KCNMB2: variants seen among roughly 807,000 people sequenced by gnomAD.
The protein encoded by KCNMB2 is potassium calcium-activated channel subfamily M regulatory beta subunit 2.
In KCNMB2, 9 loss-of-function variants were observed where a neutral mutation model predicts 24.5. The observed-to-expected ratio is 0.37, with a 90% CI of 0.22 to 0.64. KCNMB2 has a LOEUF of 0.64. KCNMB2 is among the 30% of genes least tolerant of loss of function. The pLI, the probability that KCNMB2 is intolerant of heterozygous loss-of-function variation, is 0.63. For missense variants in KCNMB2, 226 were observed against 284.3 expected (o/e 0.79, Z 1.47); for synonymous variants, 109 against 104.4 (o/e 1.04, Z -0.27).
chr3:178,801,120 C>T (rs767339378), intron 1 of KCNMB2, among the ~76,000 whole-genome samples: 11 of 152,026 alleles, frequency 7.2e-5, no homozygotes, highest in Non-Finnish European at 1.5e-5. Context: ...TTTAATAGCA[C>T]AACAGGGTGA....
rs144426649 is a variant in KCNMB2 at position 178,805,839 on chromosome 3, T to C, written c.-67-1504T>C. Among the ~76,000 whole-genome samples the C allele has an allele frequency of 3.3e-3, 495 of 152,204 alleles. 3 individuals carry two copies. Among genetic ancestry groups the C allele is most frequent in the African/African-American group, 0.012 (479 of 41,532 alleles). On this transcript the variant is annotated intron_variant, in intron 1 of 4. Transcript: ENST00000452583. ...TTTATGTAGAGACGGGATCTTGCTATGTTGCCAGGTCTGGTCTCAAATTCC... is the reference window on the plus strand; with the variant it reads ...TTTATGTAGAGACGGGATCTTGCTACGTTGCCAGGTCTGGTCTCAAATTCC...
intron 1 of KCNMB2, among the ~76,000 whole-genome samples, chr3:178,768,550 C>T (rs563054743): frequency 3.3e-5 from 5 of 151,978 alleles, no homozygotes; most frequent in Non-Finnish European, 7.4e-5. Flanking sequence ...ATAATACACA[C>T]TATAGAAAGT....
chr3:178,568,323 T>C (rs1010444043), intron 1 of KCNMB2, among the ~76,000 whole-genome samples: 1 of 152,196 alleles, frequency 6.6e-6, no homozygotes, highest in Admixed American at 6.5e-5. Flanking sequence ...TTGTTGAAGC[T>C]GGGCCAGCCA....
intron 1 of KCNMB2, among the ~76,000 whole-genome samples, chr3:178,682,321 A>G (rs1194577169): frequency 2.0e-5 from 3 of 152,176 alleles, no homozygotes; most frequent in Non-Finnish European, 2.9e-5. Flanking sequence ...TCACTACACA[A>G]TAATTGCTGT....
chr3:178,833,328 T>A (rs1715111151), intron 4 of KCNMB2, among the ~76,000 whole-genome samples: 1 of 152,118 alleles, frequency 6.6e-6, no homozygotes, highest in Non-Finnish European at 1.5e-5. Context: ...CTCTCACCCC[T>A]CTTCCACAAT....
chr3:178,653,032 T>C (rs1720189495), intron 1 of KCNMB2, among the ~76,000 whole-genome samples: 1 of 152,188 alleles, frequency 6.6e-6, no homozygotes, highest in African/African-American at 2.4e-5. Context: ...TAATTAAATT[T>C]ATATCCATAA....
intron 1 of KCNMB2, chr3:178,757,029 A>C (rs1465748347): frequency 6.6e-6 from 1 of 151,658 alleles, no homozygotes; most frequent in African/African-American, 2.4e-5. Flanking sequence ...TTGGAAATAT[A>C]TATATATGTA....
intron 1 of KCNMB2, among the ~76,000 whole-genome samples, chr3:178,744,820 A>G (rs73882850): frequency 0.019 from 2,902 of 152,180 alleles, 96 homozygotes; most frequent in African/African-American, 0.067. Context: ...TACACAAGTT[A>G]TCAGCCACTT....
intron 2 of KCNMB2, among the ~76,000 whole-genome samples, chr3:178,813,837 T>G (rs1714291214): frequency 6.6e-6 from 1 of 152,258 alleles, no homozygotes; most frequent in African/African-American, 2.4e-5. Flanking sequence ...TGTTTTTAGA[T>G]AATTACATTT....
chr3:178,606,416 T>C (rs1387887068), intron 1 of KCNMB2, among the ~76,000 whole-genome samples: 4 of 152,006 alleles, frequency 2.6e-5, no homozygotes, highest in African/African-American at 9.6e-5. Context: ...CCTCATGAAG[T>C]TTCCCTTGTA....
chr3:178,791,861 A>C (rs1002126709), intron 1 of KCNMB2, among the ~76,000 whole-genome samples: 16 of 152,050 alleles, frequency 1.1e-4, no homozygotes, highest in African/African-American at 3.1e-4. Context: ...AAAAAAAAAA[A>C]AAAAAACTTT....
At chr3:178,699,636 G>A (rs1439651280) in intron 1 of KCNMB2, among the ~76,000 whole-genome samples, 1 of 152,216 alleles carries the variant, frequency 6.6e-6, no homozygotes, top group East Asian at 1.9e-4. Context: ...ACCAAGGGGT[G>A]CTCAGGTCAG....
intron 1 of KCNMB2, among the ~76,000 whole-genome samples, chr3:178,575,962 G>C (rs767535327): frequency 5.8e-4 from 88 of 152,030 alleles, no homozygotes; most frequent in Non-Finnish European, 1.1e-3. Flanking sequence ...TAAGTCAGAA[G>C]TTTGTCCCAG....
chr3:178,833,947 T>TA (rs1367362526), intron 4 of KCNMB2, among the ~76,000 whole-genome samples: 5 of 152,240 alleles, frequency 3.3e-5, no homozygotes, highest in Admixed American at 6.5e-5. Flanking sequence ...ACTAGCATCA[T>TA]AAAAAACAGC....
At chr3:178,722,527 G>A (rs1722840280) in intron 1 of KCNMB2, among the ~76,000 whole-genome samples, 1 of 152,108 alleles carries the variant, frequency 6.6e-6, no homozygotes, top group Admixed American at 6.6e-5. Flanking sequence ...TGGTGATAAT[G>A]AGCCTACTCC....
At chr3:178,564,890 T>C (rs1354309292) in intron 1 of KCNMB2, among the ~76,000 whole-genome samples, 2 of 152,218 alleles carry the variant, frequency 1.3e-5, no homozygotes, top group African/African-American at 4.8e-5. Context: ...TTATTTGTAA[T>C]ATTAAAATTT....
At chr3:178,577,055 C>A (rs1489317465) in intron 1 of KCNMB2, among the ~76,000 whole-genome samples, 7 of 152,264 alleles carry the variant, frequency 4.6e-5, no homozygotes, top group East Asian at 3.9e-4. Context: ...CTGGGAGACA[C>A]CTCCCAGCAG....
intron 2 of KCNMB2, among the ~76,000 whole-genome samples, chr3:178,807,914 AAATAT>A (rs1465919885): frequency 9.2e-5 from 14 of 151,428 alleles, no homozygotes; most frequent in East Asian, 5.8e-4. Context: ...AAAATAATAA[AAATAT>A]AATATAATTA....
At chr3:178,828,111 C>A in intron 3 of KCNMB2, 67 bp from the exon 4 acceptor site, 2 of 1,168,298 alleles carry the variant, frequency 1.7e-6, no homozygotes, top group South Asian at 1.5e-5. Flanking sequence ...GAAATAATTC[C>A]CTCGGACTAT....
Sources: gnomAD v4.1 joint callset for allele counts (sites outside exome capture counted in the v4.1 genomes callset) on GRCh38, gnomAD v4.1.1 for gene constraint, MANE v1.5 for transcripts, NCBI Gene and HGNC (gene_info 2026-07-23, HGNC 2026-07-21) for gene names.